The following NTRK2 variants were observed in gnomAD, a reference collection of about 807,000 sequenced individuals.
The protein encoded by NTRK2 is neurotrophic receptor tyrosine kinase 2, also known as BDNF/NT-3 growth factors receptor.
In NTRK2, 13 loss-of-function variants were observed where a neutral mutation model predicts 94.5. That is an observed-to-expected ratio of 0.14 (90% CI 0.09 to 0.22). The LOEUF (loss-of-function observed/expected upper bound fraction) is 0.22, where lower values mean the gene tolerates loss of function less well. Ranked by LOEUF, NTRK2 falls within the 10% of genes least tolerant of loss-of-function variation. The pLI is 1.00. For synonymous variants in NTRK2, 372 were observed against 407.4 expected, an observed-to-expected ratio of 0.91 and a Z score of 1.05; for missense variants, 639 against 1,071.2, an observed-to-expected ratio of 0.60 and a Z score of 5.63.
intron 14 of NTRK2, among the ~76,000 whole-genome samples, chr9:84,868,308 G>A (rs889523472): frequency 4.6e-5 from 7 of 152,180 alleles, no homozygotes; most frequent in African/African-American, 1.4e-4. Flanking sequence ...TGTCATAGAG[G>A]TAAGGTAGAG....
At chr9:84,905,047 G>T (rs2132432921) in intron 14 of NTRK2, among the ~76,000 whole-genome samples, 1 of 152,300 alleles carries the variant, frequency 6.6e-6, no homozygotes, top group East Asian at 1.9e-4. Flanking sequence ...GATGAGAGAA[G>T]AAGGCACACG....
intron 14 of NTRK2, among the ~76,000 whole-genome samples, chr9:84,914,639 G>T (rs576964052): frequency 6.6e-6 from 1 of 152,236 alleles, no homozygotes; most frequent in Middle Eastern, 3.4e-3. Flanking sequence ...ATGGTGGTTC[G>T]CTGGAGTATA....
At chr9:84,767,069 A>C (rs1446092590) in intron 12 of NTRK2, among the ~76,000 whole-genome samples, 1 of 152,138 alleles carries the variant, frequency 6.6e-6, no homozygotes, top group African/African-American at 2.4e-5. Flanking sequence ...CCAGACTTTG[A>C]CTTATGTCTT....
intron 14 of NTRK2, 86 bp from the exon 15 acceptor site, chr9:84,934,076 C>A (rs2132715220): frequency 6.8e-7 from 1 of 1,479,528 alleles, no homozygotes; most frequent in Non-Finnish European, 9.4e-7. Flanking sequence ...GGCCTGGAAG[C>A]TCAGGTACAG....
intron 14 of NTRK2, among the ~76,000 whole-genome samples, chr9:84,870,156 C>T (rs967062188): frequency 7.3e-5 from 10 of 136,814 alleles, no homozygotes; most frequent in Non-Finnish European, 1.6e-4. Flanking sequence ...TATACACACA[C>T]ATACATGTAC....
chr9:84,874,182 G>A (rs1428404208), intron 14 of NTRK2: 4 of 1,065,144 alleles, frequency 3.8e-6, no homozygotes, highest in Non-Finnish European at 4.5e-6. Context: ...CTAGTAGATT[G>A]TGGACCAGGA....
intron 14 of NTRK2, among the ~76,000 whole-genome samples, chr9:84,893,781 G>T (rs10868236): frequency 0.86 from 131,163 of 152,194 alleles, 56,674 homozygotes; most frequent in African/African-American, 0.92. Context: ...CTTGGCCAAC[G>T]AGGCAGACAC....
At chr9:84,679,797 T>C (rs2059281974) in intron 2 of NTRK2, among the ~76,000 whole-genome samples, 1 of 152,194 alleles carries the variant, frequency 6.6e-6, no homozygotes, top group South Asian at 2.1e-4. Flanking sequence ...ACCTGACCAG[T>C]AGGTTTTCTT....
chr9:84,760,723 A>G lies in NTRK2; in HGVS notation c.1396+8638A>G, dbSNP rs561856842. The stretch of plus-strand genomic sequence containing the variant: ...GTAGGTTTTAGCAGTTTTTCAGGGG[A>G]GAAATATTTTCCAAAGTAAAGAGGT... On this transcript the variant is annotated intron_variant, in intron 12 of 18. Transcript: ENST00000277120. Among the ~76,000 whole-genome samples the G allele has an allele frequency of 8.4e-4, 128 of 152,272 alleles. 1 individual carries two copies. The South Asian group carries it at 0.01, about 12-fold the overall frequency.
intron 17 of NTRK2, among the ~76,000 whole-genome samples, chr9:84,992,254 A>G (rs1435143364): frequency 6.6e-6 from 1 of 152,082 alleles, no homozygotes; most frequent in Admixed American, 6.5e-5. Context: ...GAAAGTGACC[A>G]CACTTTCATA....
chr9:84,828,638 C>G (rs1239588945), intron 12 of NTRK2, among the ~76,000 whole-genome samples: 1 of 151,954 alleles, frequency 6.6e-6, no homozygotes, highest in African/African-American at 2.4e-5. Context: ...ATTTTTGTTT[C>G]TTTTAAAAGA....
intron 12 of NTRK2, among the ~76,000 whole-genome samples, chr9:84,764,727 G>C (rs939929646): frequency 1.3e-5 from 2 of 152,124 alleles, no homozygotes; most frequent in Non-Finnish European, 2.9e-5. Flanking sequence ...CCAAAAGAAA[G>C]GAAATCAGTA....
rs1398243368 is a variant in NTRK2, at chr9:84,724,421, C to T, written c.853+65C>T. Reference sequence around the variant, plus strand: ...ATCATGGACGTACCTACGTTTGTTGCTGGGGCACTCTGGGTGCTGCTTAAA... The same window carrying T: ...ATCATGGACGTACCTACGTTTGTTGTTGGGGCACTCTGGGTGCTGCTTAAA... On this transcript the variant is annotated intron_variant, in intron 8 of 18. Coordinates refer to ENST00000277120, the MANE Select transcript of NTRK2 (RefSeq NM_006180.6). 6 of 1,582,850 alleles carry T rather than the reference C, an allele frequency of 3.8e-6. No individual in the cohort carries two copies. The South Asian group carries it at 4.4e-5, about 12-fold the overall frequency.
At chr9:84,983,778 G>A (rs1408189075) in intron 17 of NTRK2, among the ~76,000 whole-genome samples, 2 of 152,170 alleles carry the variant, frequency 1.3e-5, no homozygotes, top group African/African-American at 2.4e-5. Flanking sequence ...GGAGGGACGC[G>A]ATAGCTTTCA....
intron 14 of NTRK2, among the ~76,000 whole-genome samples, chr9:84,879,269 G>A (rs2076184751): frequency 6.6e-6 from 1 of 152,118 alleles, no homozygotes; most frequent in East Asian, 1.9e-4. Flanking sequence ...GTAAGTCTGA[G>A]AAATAATCTA....
intron 12 of NTRK2, among the ~76,000 whole-genome samples, chr9:84,856,534 G>C (rs1184753652): frequency 6.6e-6 from 1 of 152,110 alleles, no homozygotes; most frequent in Non-Finnish European, 1.5e-5. Flanking sequence ...AGATGTGACA[G>C]TTCATTGGCT....
At chr9:84,704,711 T>A (rs1314737500) in intron 4 of NTRK2, among the ~76,000 whole-genome samples, 1 of 152,224 alleles carries the variant, frequency 6.6e-6, no homozygotes, top group East Asian at 1.9e-4. Context: ...TTTATAGCCA[T>A]TTATTGAATA....
intron 14 of NTRK2, among the ~76,000 whole-genome samples, chr9:84,901,936 C>T (rs2076942093): frequency 6.6e-6 from 1 of 152,112 alleles, no homozygotes; most frequent in South Asian, 2.1e-4. Flanking sequence ...GTGGCTGACG[C>T]CTGTAATCCC....
intron 17 of NTRK2, among the ~76,000 whole-genome samples, chr9:85,004,431 A>G (rs1302370205): frequency 6.6e-6 from 1 of 152,218 alleles, no homozygotes; most frequent in African/African-American, 2.4e-5. Context: ...CAGAGAGTAG[A>G]TACTAGTGCT....
Sources: gnomAD v4.1 joint callset for allele counts (sites outside exome capture counted in the v4.1 genomes callset) on GRCh38, gnomAD v4.1.1 for gene constraint, MANE v1.5 for transcripts, NCBI Gene and HGNC (gene_info 2026-07-23, HGNC 2026-07-21) for gene names.